Variants in VAC14 observed in about 807,000 individuals in gnomAD.
VAC14 encodes VAC14 component of PIKFYVE complex, also known as protein VAC14 homolog.
In VAC14, 47 loss-of-function variants were observed where a neutral mutation model predicts 85.3. That is an observed-to-expected ratio of 0.55 (90% CI 0.44 to 0.70). The LOEUF (loss-of-function observed/expected upper bound fraction) is 0.70, where lower values mean the gene tolerates loss of function less well. VAC14 is among the 30% of genes least tolerant of loss of function. The probability of loss-of-function intolerance (pLI) is 0.00; values close to 1 mark genes in which losing one functional copy is unlikely to be tolerated. For missense variants in VAC14, 861 were observed against 1,004.3 expected, an observed-to-expected ratio of 0.86 and a Z score of 1.93; for synonymous variants, 447 against 430.5, an observed-to-expected ratio of 1.04 and a Z score of -0.47.
At chr16:70,741,526 A>G (rs375495920) in intron 13 of VAC14, among the ~76,000 whole-genome samples, 2 of 152,202 alleles carry the variant, frequency 1.3e-5, no homozygotes, top group East Asian at 3.9e-4. Flanking sequence ...ACACACATGG[A>G]TCTGCTTGGA....
chr16:70,752,182 A>G (rs558740946), intron 12 of VAC14, among the ~76,000 whole-genome samples: 3 of 152,354 alleles, frequency 2.0e-5, no homozygotes, highest in Admixed American at 1.3e-4. Context: ...CCTTTCCTTC[A>G]GTGTCCAGCA....
At chr16:70,780,989 C>T in intron 8 of VAC14, 50 bp from the exon 9 acceptor site, 1 of 1,607,604 alleles carries the variant, frequency 6.2e-7, no homozygotes. Flanking sequence ...GCCTGTCTCT[C>T]TAAATCTCTT....
chr16:70,786,497 G>A, intron 1 of VAC14, 132 bp from the exon 2 acceptor site: 1 of 1,235,922 alleles, frequency 8.1e-7, no homozygotes, highest in Non-Finnish European at 1.1e-6. Context: ...TCTCAGGGCA[G>A]GTCTCAGTTC....
intron 4 of VAC14, 78 bp downstream of exon 4, chr16:70,784,698 A>C: frequency 7.5e-7 from 1 of 1,334,090 alleles, no homozygotes. Context: ...AACATTCCCA[A>C]TGACAGAATT....
At chr16:70,732,084 T>C (rs1275154206) in intron 13 of VAC14, among the ~76,000 whole-genome samples, 1 of 152,194 alleles carries the variant, frequency 6.6e-6, no homozygotes, top group Non-Finnish European at 1.5e-5. Context: ...GGTACTTGTG[T>C]CAGTGAGTCA....
intron 9 of VAC14, among the ~76,000 whole-genome samples, chr16:70,777,092 C>T (rs532464127): frequency 6.6e-6 from 1 of 151,688 alleles, no homozygotes; most frequent in East Asian, 1.9e-4. Context: ...CAGGTGTGAG[C>T]CACCGCGTCT....
chr16:70,748,183 C>G (rs1185283625), intron 12 of VAC14, among the ~76,000 whole-genome samples: 4 of 152,228 alleles, frequency 2.6e-5, no homozygotes, highest in Admixed American at 2.6e-4. Flanking sequence ...GTCAGACAGT[C>G]CTGACATCCA....
intron 9 of VAC14, among the ~76,000 whole-genome samples, chr16:70,774,106 A>C (rs2033391695): frequency 6.6e-6 from 1 of 152,130 alleles, no homozygotes; most frequent in African/African-American, 2.4e-5. Context: ...CAGAAGGTTA[A>C]CTTCGATACA....
At chr16:70,717,707 G>A (rs1597877360) in intron 14 of VAC14, among the ~76,000 whole-genome samples, 1 of 152,160 alleles carries the variant, frequency 6.6e-6, no homozygotes, top group Non-Finnish European at 1.5e-5. Flanking sequence ...CCAGGCTGGA[G>A]TGCAGTGGCA....
Position 70,800,884 on chromosome 16 carries a change from T to G in VAC14, c.17A>C (p.Asp6Ala), listed in dbSNP as rs2034770620. 4 of 1,600,946 alleles carry G rather than the reference T, an allele frequency of 2.5e-6. No homozygotes were observed. The highest frequency in any genetic ancestry group is 3.4e-6 in the Non-Finnish European group (4 of 1,173,568). Residue 6 changes from aspartate (D) to alanine (A), a missense_variant, in exon 1 of 19, where the codon GAT (aspartate) becomes GCT (alanine). Asp to Ala is a moderately radical substitution (Grantham distance 126). This residue lies in a region of VAC14 where 629 missense variants were observed against 703.1 expected (regional missense o/e 0.89). Coordinates refer to ENST00000261776, the MANE Select transcript of VAC14 (RefSeq NM_018052.5). MNPEK[D>A]FAPLTPNIVR... Reference sequence around the variant, plus strand: ...GATGTTAGGCGTGAGCGGCGCGAAATCCTTCTCGGGGTTCATGGTGGCAGC... The same window carrying G: ...GATGTTAGGCGTGAGCGGCGCGAAAGCCTTCTCGGGGTTCATGGTGGCAGC...
At chr16:70,777,906 T>C (rs1219580117) in intron 9 of VAC14, among the ~76,000 whole-genome samples, 2 of 152,214 alleles carry the variant, frequency 1.3e-5, no homozygotes, top group Non-Finnish European at 2.9e-5. Context: ...AACTTGTCCC[T>C]GACCAGCGAA....
chr16:70,777,205 A>G (rs2033565172), intron 9 of VAC14, among the ~76,000 whole-genome samples: 2 of 152,212 alleles, frequency 1.3e-5, no homozygotes, highest in Admixed American at 6.5e-5. Context: ...TTAGCCTCCC[A>G]AAGTGCTGGG....
chr16:70,800,059 A>G (rs1319864553), intron 1 of VAC14, among the ~76,000 whole-genome samples: 2 of 152,092 alleles, frequency 1.3e-5, no homozygotes, highest in East Asian at 1.9e-4. Context: ...TTCTGAAATC[A>G]CTCACTCACT....
chr16:70,742,601 T>C (rs2030449611), intron 13 of VAC14, among the ~76,000 whole-genome samples: 2 of 152,272 alleles, frequency 1.3e-5, no homozygotes, highest in South Asian at 2.1e-4. Context: ...ACTGGGCTCC[T>C]GGGCAAGGCC....
rs778915377 is a variant in VAC14, at chr16:70,784,229, C to T, written c.487-9G>A. The T allele has an allele frequency of 1.2e-6, 2 of 1,612,778 alleles. No individual in the cohort carries two copies. Among genetic ancestry groups the T allele is most frequent in the African/African-American group, 1.3e-5 (1 of 74,916 alleles). ...CTCTCAGTCACAATGTCCTGTGGAT[C>T]AGAGGAAAGTGAGCTGCCGAGAGCC... On this transcript the variant is annotated splice_polypyrimidine_tract_variant and intron_variant, in intron 4 of 18. Coordinates refer to ENST00000261776, the MANE Select transcript of VAC14 (RefSeq NM_018052.5).
In VAC14 at chr16:70,687,784, A is replaced by G. The variant is rs1414473475; in HGVS notation, c.*144T>C. 1.2e-5 allele frequency: 11 copies of G among 902,908 alleles called. No homozygotes were observed. Among genetic ancestry groups the G allele is most frequent in the Non-Finnish European group, 1.6e-5 (11 of 675,470 alleles). 55.9% of individuals were successfully genotyped at this position (902,908 alleles called of 1,614,324 possible). ...CTCTGAGAGGAGCTTGGGCAGACAC[A>G]GCAGCCTCCGGCCCCAACACTGCCC... On this transcript the variant is annotated 3_prime_UTR_variant, in exon 19 of 19. Transcript: ENST00000261776.
At chr16:70,735,089 G>T (rs571689160) in intron 13 of VAC14, among the ~76,000 whole-genome samples, 1 of 152,316 alleles carries the variant, frequency 6.6e-6, no homozygotes, top group East Asian at 1.9e-4. Context: ...GCCAAGCTGA[G>T]ACTGAGGATG....
chr16:70,785,295 G>A (rs2033996838), intron 3 of VAC14, among the ~76,000 whole-genome samples: 1 of 151,998 alleles, frequency 6.6e-6, no homozygotes, highest in Non-Finnish European at 1.5e-5. Context: ...AACTCCACCA[G>A]GCTGCAAGAG....
chr16:70,772,452 G>C, intron 9 of VAC14: 1 of 372,892 alleles, frequency 2.7e-6, no homozygotes, highest in East Asian at 4.4e-5. Context: ...TGGCCTGAGG[G>C]GAATGGATGT....
Sources: gnomAD v4.1 joint callset for allele counts (sites outside exome capture counted in the v4.1 genomes callset) on GRCh38, gnomAD v4.1.1 for gene constraint, gnomAD v4.1.1 regional missense constraint, MANE v1.5 for transcripts, NCBI Gene and HGNC (gene_info 2026-07-23, HGNC 2026-07-21) for gene names.